Variants in UBE2J2 observed in about 807,000 individuals in gnomAD.
The protein encoded by UBE2J2 is ubiquitin-conjugating enzyme E2 J2.
UBE2J2 carries 5 observed loss-of-function variants against 28.6 expected under a neutral mutation model. The observed-to-expected ratio is 0.17, with a 90% confidence interval of 0.09 to 0.37. The LOEUF is 0.37. Among genes scored for constraint, UBE2J2 ranks in the 10% least tolerant of loss-of-function variants. UBE2J2 has a pLI of 1.00. For missense variants in UBE2J2, 226 were observed against 338.9 expected, an observed-to-expected ratio of 0.67 and a Z score of 2.62; for synonymous variants, 138 against 139.7, an observed-to-expected ratio of 0.99 and a Z score of 0.09.
At chr1:1,263,780 C>T (rs544604417) in intron 2 of UBE2J2, among the ~76,000 whole-genome samples, 3 of 152,028 alleles carry the variant, frequency 2.0e-5, no homozygotes, top group South Asian at 2.1e-4. Flanking sequence ...ATCGCTTGAG[C>T]CCAGGAGCTT....
intron 3 of UBE2J2, among the ~76,000 whole-genome samples, chr1:1,262,663 C>G (rs1379029382): frequency 6.6e-6 from 1 of 152,198 alleles, no homozygotes; most frequent in Non-Finnish European, 1.5e-5. Context: ...CTTGTGCTTG[C>G]CGGCGGGACA....
chr1:1,268,138 T>C lies in UBE2J2; in HGVS notation c.1-146A>G. 1 of 1,106,970 alleles carries C rather than the reference T, an allele frequency of 9.0e-7. No individual in the cohort carries two copies. The highest frequency in any genetic ancestry group is 1.3e-6 in the Non-Finnish European group (1 of 769,804). 68.6% of individuals were successfully genotyped at this position (1,106,970 alleles called of 1,614,324 possible). A position where few individuals can be genotyped will look rare whatever the true frequency, so the allele number is the denominator to read the frequency against. ...GTCACAGCTCACAGGTCACCCTCGC[T>C]TGCCACCCGCCCAGACACCCAGAGG... On this transcript the variant is annotated intron_variant, in intron 1 of 6. Transcript: ENST00000349431. This position sits in a 1 kb window ranked among gnomAD's most constrained non-coding sequence, Gnocchi z 4.7.
intron 3 of UBE2J2, chr1:1,262,318 T>C (rs72631900): frequency 0.029 from 13,023 of 456,072 alleles, 237 homozygotes; most frequent in South Asian, 0.041. Flanking sequence ...GACACGATGA[T>C]GGAGGGCCCA....
At chr1:1,272,127 TG>T (rs1392944667) in intron 1 of UBE2J2, among the ~76,000 whole-genome samples, 2 of 151,612 alleles carry the variant, frequency 1.3e-5, no homozygotes, top group African/African-American at 4.9e-5. Context: ...GCACTCTAGC[TG>T]GGCCAACAGA....
intron 2 of UBE2J2, among the ~76,000 whole-genome samples, chr1:1,267,247 G>A (rs1025627675): frequency 6.6e-6 from 1 of 152,106 alleles, no homozygotes; most frequent in African/African-American, 2.4e-5. Context: ...TGTTTCGACA[G>A]AGCAGTATGC....
At chr1:1,271,392 G>A (rs1441397195) in intron 1 of UBE2J2, 1 of 152,282 alleles carries the variant, frequency 6.6e-6, no homozygotes, top group African/African-American at 2.4e-5. Context: ...TTCAAGTGCA[G>A]GTGGGTCTGG....
chr1:1,269,381 C>A (rs957768955), intron 1 of UBE2J2, among the ~76,000 whole-genome samples: 22 of 152,022 alleles, frequency 1.4e-4, no homozygotes, highest in African/African-American at 5.3e-4. Flanking sequence ...GGCCCCTCAG[C>A]CACACCTGAG....
chr1:1,261,950 C>T (rs75805572), intron 3 of UBE2J2, among the ~76,000 whole-genome samples: 5,614 of 150,634 alleles, frequency 0.037, 316 homozygotes, highest in African/African-American at 0.12. Flanking sequence ...CTCCGCCTCC[C>T]GGGTTCAAGT....
intron 2 of UBE2J2, among the ~76,000 whole-genome samples, chr1:1,264,271 C>A (rs907164578): frequency 6.6e-6 from 1 of 152,200 alleles, no homozygotes; most frequent in Non-Finnish European, 1.5e-5. Context: ...ACTAAACACT[C>A]CTCCACACAA....
chr1:1,271,937 G>A (rs966088508), intron 1 of UBE2J2, among the ~76,000 whole-genome samples: 18 of 133,056 alleles, frequency 1.4e-4, no homozygotes, highest in African/African-American at 4.7e-4. Flanking sequence ...TCAAGCCATT[G>A]CACTCCAGCC....
Position 1,268,243 on chromosome 1 carries a change from G to A in UBE2J2, c.1-251C>T, listed in dbSNP as rs1457206492. Among the ~76,000 whole-genome samples the A allele has an allele frequency of 6.6e-6, 1 of 152,118 alleles. No individual in the cohort carries two copies. ...TACAGCTCAGGTACAAAGACGAGGA[G>A]AAACCCAAAGCCTCGTTCCTGTCCT... is the stretch of plus-strand genomic sequence containing the variant. On this transcript the variant is annotated intron_variant, in intron 1 of 6. Transcript: ENST00000349431. The surrounding 1 kb of genome is among the most constrained non-coding windows in gnomAD (Gnocchi z 4.7).
At chr1:1,266,098 C>T (rs1181200818) in intron 2 of UBE2J2, 3 of 1,304,146 alleles carry the variant, frequency 2.3e-6, no homozygotes, top group Non-Finnish European at 3.0e-6. Context: ...TCCCTCTCAC[C>T]TGCCAGCGAT....
At chr1:1,263,972 CAG>C (rs1639705881) in intron 2 of UBE2J2, among the ~76,000 whole-genome samples, 3 of 152,158 alleles carry the variant, frequency 2.0e-5, no homozygotes, top group African/African-American at 4.8e-5. Context: ...ATTTGGGCAA[CAG>C]AGTGAGACCC....
chr1:1,256,665 G>C (rs1038320346), intron 5 of UBE2J2, among the ~76,000 whole-genome samples: 3 of 152,032 alleles, frequency 2.0e-5, no homozygotes, highest in African/African-American at 7.3e-5. Context: ...GGCGGATCAC[G>C]AGGTCAGGAA....
In UBE2J2 at chr1:1,255,174, G is replaced by C; in HGVS notation, c.*29C>G. On this transcript the variant is annotated 3_prime_UTR_variant, in exon 7 of 7. Coordinates refer to ENST00000349431, the MANE Select transcript of UBE2J2 (RefSeq NM_058167.3). ...CACGCTCTGGTGCGCGGTGCCCTCAGTGGCGCCTTGGGTCTCGGCGCCTGG... is the reference window on the plus strand; with the variant it reads ...CACGCTCTGGTGCGCGGTGCCCTCACTGGCGCCTTGGGTCTCGGCGCCTGG... The C allele has an allele frequency of 6.4e-7, 1 of 1,557,694 alleles. No homozygotes were observed. The highest frequency in any genetic ancestry group is 1.2e-5 in the South Asian group (1 of 82,352).
rs1016610771 is a variant in UBE2J2, at chr1:1,268,880, T to C, written c.1-888A>G. 3.9e-5 allele frequency among the ~76,000 whole-genome samples: 6 copies of C among 152,024 alleles called. No individual in the cohort carries two copies. Among genetic ancestry groups the C allele is most frequent in the African/African-American group, 7.3e-5 (3 of 41,378 alleles). ...TTTGTAGAGCTGGGATCTCACTATG[T>C]TGCCCAAGGTGGTCTCAAACTCCTG... On this transcript the variant is annotated intron_variant, in intron 1 of 6. Transcript: ENST00000349431. The surrounding 1 kb of genome is among the most constrained non-coding windows in gnomAD (Gnocchi z 4.7).
chr1:1,273,338 C>A (rs1424439362), intron 1 of UBE2J2: 1 of 152,220 alleles, frequency 6.6e-6, no homozygotes, highest in Non-Finnish European at 1.5e-5. Flanking sequence ...TCGACGGCAG[C>A]CCTCCCCCGA....
intron 2 of UBE2J2, among the ~76,000 whole-genome samples, chr1:1,264,430 C>T (rs1366086308): frequency 6.6e-6 from 1 of 152,206 alleles, no homozygotes; most frequent in East Asian, 1.9e-4. Context: ...CAACACCGGC[C>T]ATCATCTTTC....
rs1639089651 is a variant in UBE2J2 at position 1,255,052 on chromosome 1, A to G, written c.*151T>C. On this transcript the variant is annotated 3_prime_UTR_variant, in exon 7 of 7. Transcript: ENST00000349431. Reference sequence around the variant, plus strand: ...AGTCTCCTCCAAAGCCCAGTCACACATTTTGGTTTTTGCTTCCCCTTTCAG... The same window carrying G: ...AGTCTCCTCCAAAGCCCAGTCACACGTTTTGGTTTTTGCTTCCCCTTTCAG... 3 of 804,982 alleles carry G rather than the reference A, an allele frequency of 3.7e-6. No individual in the cohort carries two copies. The highest frequency in any genetic ancestry group is 3.1e-5 in the Admixed American group (1 of 32,130). The allele number at this position is 804,982 out of a possible 1,614,324, so 49.9% of individuals were successfully genotyped here. A position where few individuals can be genotyped will look rare whatever the true frequency, so the allele number is the denominator to read the frequency against.
Sources: gnomAD v4.1 joint callset for allele counts (sites outside exome capture counted in the v4.1 genomes callset) on GRCh38, gnomAD v4.1.1 for gene constraint, Gnocchi (gnomAD v3.1) non-coding constraint, MANE v1.5 for transcripts, NCBI Gene and HGNC (gene_info 2026-07-23, HGNC 2026-07-21) for gene names.